SUGCT: variants seen among roughly 807,000 people sequenced by gnomAD.
The protein encoded by SUGCT is succinyl-CoA:glutarate CoA-transferase.
SUGCT carries 41 observed loss-of-function variants against 55.0 expected under a neutral mutation model. The ratio of observed to expected loss-of-function variants is 0.74; its 90% CI spans 0.58 to 0.97. The LOEUF is 0.97. Ranked by LOEUF, SUGCT falls within the 50% of genes least tolerant of loss-of-function variation. The pLI is 0.00. For missense variants in SUGCT, 568 were observed against 547.8 expected, an observed-to-expected ratio of 1.04 and a Z score of -0.37; for synonymous variants, 187 against 200.4, an observed-to-expected ratio of 0.93 and a Z score of 0.56.
chr7:40,996,551 A>G, the SUGCT span, among the ~76,000 whole-genome samples: 5 of 152,212 alleles, frequency 3.3e-5, no homozygotes, highest in East Asian at 9.6e-4. Context: ...TCTAGACAGA[A>G]TTCCAAAGCA....
At chr7:40,586,005 A>AT (rs1239181271) in intron 12 of SUGCT, among the ~76,000 whole-genome samples, 4 of 151,650 alleles carry the variant, frequency 2.6e-5, no homozygotes, top group Admixed American at 6.6e-5. Context: ...ATGACTTATT[A>AT]TTTTTTTTCT....
intron 8 of SUGCT, among the ~76,000 whole-genome samples, chr7:40,289,180 A>G (rs1456466385): frequency 2.0e-5 from 3 of 152,074 alleles, no homozygotes; most frequent in African/African-American, 7.2e-5. Context: ...TTGAGATGGG[A>G]GATTATCTTG....
intron 1 of SUGCT, among the ~76,000 whole-genome samples, chr7:40,149,588 A>G (rs1788442310): frequency 6.6e-6 from 1 of 152,068 alleles, no homozygotes; most frequent in African/African-American, 2.4e-5. Flanking sequence ...TTCGAGACCA[A>G]CCTGGCCAAC....
intron 12 of SUGCT, among the ~76,000 whole-genome samples, chr7:40,653,997 A>G (rs928802687): frequency 1.4e-5 from 2 of 143,818 alleles, no homozygotes; most frequent in African/African-American, 5.2e-5. Context: ...AACAACAATT[A>G]AAAAAAAAAA....
intron 13 of SUGCT, among the ~76,000 whole-genome samples, chr7:40,859,718 C>T (rs973173766): frequency 3.3e-5 from 5 of 152,196 alleles, no homozygotes; most frequent in Non-Finnish European, 7.3e-5. Flanking sequence ...AGCAATTCAT[C>T]CAAGATGGCT....
intron 8 of SUGCT, among the ~76,000 whole-genome samples, chr7:40,289,248 G>A (rs534338903): frequency 9.2e-5 from 14 of 152,214 alleles, no homozygotes; most frequent in Middle Eastern, 3.4e-3. Flanking sequence ...AGAGAGAGGC[G>A]AGAGTATCAG....
At chr7:40,358,639 G>A (rs181248626) in intron 9 of SUGCT, among the ~76,000 whole-genome samples, 8 of 152,104 alleles carry the variant, frequency 5.3e-5, no homozygotes, top group African/African-American at 1.2e-4. Context: ...GCTTGAACCC[G>A]TGAGGCACAG....
chr7:40,170,853 G>A (rs1323198769), intron 1 of SUGCT, among the ~76,000 whole-genome samples: 1 of 152,138 alleles, frequency 6.6e-6, no homozygotes, highest in Non-Finnish European at 1.5e-5. Flanking sequence ...TAGCAGTCCT[G>A]CACCTCTTTT....
intron 7 of SUGCT, among the ~76,000 whole-genome samples, chr7:40,251,944 A>C (rs1212673476): frequency 6.6e-6 from 1 of 152,058 alleles, no homozygotes; most frequent in Non-Finnish European, 1.5e-5. Context: ...AATAAAAAAA[A>C]AAACAAAGAA....
chr7:40,445,210 C>G (rs1252394343), intron 9 of SUGCT, among the ~76,000 whole-genome samples: 2 of 151,980 alleles, frequency 1.3e-5, no homozygotes, highest in East Asian at 3.9e-4. Flanking sequence ...AATTCAGGAG[C>G]TAGCTTTTTG....
At chr7:40,298,735 A>T (rs1443284578) in intron 8 of SUGCT, among the ~76,000 whole-genome samples, 1 of 144,946 alleles carries the variant, frequency 6.9e-6, no homozygotes, top group African/African-American at 2.5e-5. Flanking sequence ...TTGTGAAGGA[A>T]TTTTTTTTTT....
the SUGCT span, among the ~76,000 whole-genome samples, chr7:41,024,084 G>A: frequency 2.6e-5 from 4 of 152,316 alleles, no homozygotes; most frequent in African/African-American, 9.6e-5. Flanking sequence ...GATGCCCTTA[G>A]TGGCATTGCA....
chr7:40,710,103 A>G (rs1785632130), intron 12 of SUGCT, among the ~76,000 whole-genome samples: 1 of 152,210 alleles, frequency 6.6e-6, no homozygotes, highest in African/African-American at 2.4e-5. Context: ...GCACCCAGCT[A>G]ACTTCCTAAA....
chr7:41,025,866 G>C, the SUGCT span, among the ~76,000 whole-genome samples: 2 of 152,140 alleles, frequency 1.3e-5, no homozygotes, highest in African/African-American at 2.4e-5. Context: ...TAGCTTTCTG[G>C]AAAGCCCCTT....
At chr7:40,238,822 C>CTT (rs200564913) in intron 7 of SUGCT, among the ~76,000 whole-genome samples, 4 of 138,356 alleles carry the variant, frequency 2.9e-5, no homozygotes, top group Middle Eastern at 3.7e-3. Flanking sequence ...GTGGCCTTTG[C>CTT]TTTTTTTTTT....
chr7:40,285,228 A>G (rs1216820319), intron 8 of SUGCT, among the ~76,000 whole-genome samples: 1 of 152,132 alleles, frequency 6.6e-6, no homozygotes, highest in Admixed American at 6.5e-5. Flanking sequence ...AGAAATAGAA[A>G]TGGAAAGATC....
chr7:40,722,234 A>C (rs1188932946), intron 12 of SUGCT, among the ~76,000 whole-genome samples: 1 of 152,196 alleles, frequency 6.6e-6, no homozygotes, highest in African/African-American at 2.4e-5. Flanking sequence ...TTTCAGCATA[A>C]AAAAAGGCTG....
chr7:40,608,429 G>A (rs907331408), intron 12 of SUGCT, among the ~76,000 whole-genome samples: 3 of 152,124 alleles, frequency 2.0e-5, no homozygotes, highest in African/African-American at 7.2e-5. Flanking sequence ...GGGGATTATG[G>A]TTTCAACACA....
intron 12 of SUGCT, among the ~76,000 whole-genome samples, chr7:40,655,229 GCC>G (rs1800960361): frequency 6.6e-6 from 1 of 152,052 alleles, no homozygotes; most frequent in African/African-American, 2.4e-5. Flanking sequence ...AGGAGGTCAG[GCC>G]TGCAGTGAGC....
Sources: allele counts gnomAD v4.1 joint callset (sites outside exome capture counted in the v4.1 genomes callset), GRCh38; gene constraint gnomAD v4.1.1; transcripts MANE v1.5; gene names NCBI Gene and HGNC (gene_info 2026-07-23, HGNC 2026-07-21).